The following CNTNAP2 variants were observed in gnomAD, a reference collection of about 807,000 sequenced individuals.
The protein encoded by CNTNAP2 is contactin-associated protein-like 2.
A neutral mutation model predicts 155.2 loss-of-function variants in CNTNAP2; 98 were observed. The ratio of observed to expected loss-of-function variants is 0.63; its 90% CI spans 0.54 to 0.75. The LOEUF is 0.75. CNTNAP2 is among the 30% of genes least tolerant of loss of function. The probability of loss-of-function intolerance (pLI) is 0.00; values close to 1 mark genes in which losing one functional copy is unlikely to be tolerated. For missense variants in CNTNAP2, 1,727 were observed against 1,688.1 expected, an observed-to-expected ratio of 1.02 and a Z score of -0.40; for synonymous variants, 651 against 631.2, an observed-to-expected ratio of 1.03 and a Z score of -0.47.
At chr7:146,910,693 A>G (rs1306246311) in intron 3 of CNTNAP2, among the ~76,000 whole-genome samples, 2 of 150,502 alleles carry the variant, frequency 1.3e-5, no homozygotes, top group African/African-American at 2.5e-5. Context: ...ACCTAAAACC[A>G]TAAAAACCCT....
intron 8 of CNTNAP2, among the ~76,000 whole-genome samples, chr7:147,264,127 G>T (rs1804554082): frequency 6.6e-6 from 1 of 152,084 alleles, no homozygotes; most frequent in South Asian, 2.1e-4. Flanking sequence ...TTTTGAAAAG[G>T]TCAGACAAAG....
At chr7:147,952,534 TTAAG>T (rs1297395863) in intron 14 of CNTNAP2, among the ~76,000 whole-genome samples, 6 of 152,054 alleles carry the variant, frequency 3.9e-5, no homozygotes, top group African/African-American at 1.2e-4. Context: ...ACATATTTCT[TTAAG>T]TAATTAAATG....
chr7:146,925,405 A>T (rs1182238602), intron 3 of CNTNAP2, among the ~76,000 whole-genome samples: 1 of 152,148 alleles, frequency 6.6e-6, no homozygotes, highest in Non-Finnish European at 1.5e-5. Context: ...TGTAGTGGAA[A>T]TCAATGTTGG....
intron 15 of CNTNAP2, among the ~76,000 whole-genome samples, chr7:148,009,769 C>T (rs1802042726): frequency 6.6e-6 from 1 of 152,086 alleles, no homozygotes; most frequent in Non-Finnish European, 1.5e-5. Flanking sequence ...TTAATGTATG[C>T]AGTCACCGTT....
intron 13 of CNTNAP2, among the ~76,000 whole-genome samples, chr7:147,765,570 A>G (rs1489151605): frequency 6.6e-6 from 1 of 152,170 alleles, no homozygotes; most frequent in African/African-American, 2.4e-5. Context: ...AATTAAACAT[A>G]TCAACAGCAG....
chr7:146,577,721 A>G (rs1016795119), intron 1 of CNTNAP2, among the ~76,000 whole-genome samples: 3 of 152,276 alleles, frequency 2.0e-5, no homozygotes, highest in Admixed American at 2.0e-4. Flanking sequence ...CTCATTAAAA[A>G]TGCACAAATT....
chr7:147,896,901 CG>C (rs60352819), intron 13 of CNTNAP2: 35,739 of 152,060 alleles, frequency 0.24, 4,303 homozygotes, highest in Middle Eastern at 0.3. Context: ...AAGTTAGTTC[CG>C]CCTACACCCA....
At chr7:148,409,329 T>C in intron 22 of CNTNAP2, 62 bp from the exon 23 acceptor site, 3 of 1,277,270 alleles carry the variant, frequency 2.3e-6, no homozygotes, top group Admixed American at 1.7e-5. Flanking sequence ...GAAATAGGTA[T>C]CAAATTATTT....
intron 8 of CNTNAP2, among the ~76,000 whole-genome samples, chr7:147,299,847 C>T (rs1001926983): frequency 2.0e-5 from 3 of 152,084 alleles, no homozygotes; most frequent in African/African-American, 7.2e-5. Flanking sequence ...TTTGGGAGGC[C>T]GAGGTCATCT....
At position 148,249,893 on chromosome 7, in the gene CNTNAP2, G is replaced by A. The variant is rs187021072; in HGVS notation, c.3382-17140G>A. 2.0e-4 allele frequency among the ~76,000 whole-genome samples: 31 copies of A among 152,318 alleles called. No individual in the cohort carries two copies. In the East Asian group the frequency reaches 5.8e-3, roughly 28 times the overall value. On this transcript the variant is annotated intron_variant, in intron 20 of 23. Coordinates refer to ENST00000361727, the MANE Select transcript of CNTNAP2 (RefSeq NM_014141.6). ...CCATCCTGTTCTGCAGAGGCCTCCT[G>A]ACGGGTCTCCAAGCTTCCTCCCTTG...
chr7:147,370,184 T>C (rs892403781), intron 9 of CNTNAP2, among the ~76,000 whole-genome samples: 27 of 152,228 alleles, frequency 1.8e-4, no homozygotes, highest in Admixed American at 1.6e-3. Flanking sequence ...AAAAATATTA[T>C]AGTCATATGC....
chr7:147,909,152 G>C (rs974849002), intron 14 of CNTNAP2, among the ~76,000 whole-genome samples: 1 of 152,122 alleles, frequency 6.6e-6, no homozygotes, highest in Non-Finnish European at 1.5e-5. Flanking sequence ...AAAAATTACA[G>C]TAGAAATGAG....
intron 1 of CNTNAP2, among the ~76,000 whole-genome samples, chr7:146,483,757 A>T (rs1457694425): frequency 6.6e-6 from 1 of 152,166 alleles, no homozygotes; most frequent in African/African-American, 2.4e-5. Flanking sequence ...GTACAGCTGT[A>T]CAACGTGTTT....
chr7:146,173,636 T>C (rs1360797909), intron 1 of CNTNAP2, among the ~76,000 whole-genome samples: 1 of 152,216 alleles, frequency 6.6e-6, no homozygotes, highest in Non-Finnish European at 1.5e-5. Context: ...ATGTTATAAC[T>C]TATTTTTTGT....
intron 13 of CNTNAP2, among the ~76,000 whole-genome samples, chr7:147,702,381 G>T (rs1266365689): frequency 6.6e-6 from 1 of 151,982 alleles, no homozygotes; most frequent in Non-Finnish European, 1.5e-5. Flanking sequence ...AAAATAAATG[G>T]GTTAGCTGTT....
At chr7:146,280,890 C>A (rs2129084832) in intron 1 of CNTNAP2, among the ~76,000 whole-genome samples, 1 of 152,274 alleles carries the variant, frequency 6.6e-6, no homozygotes, top group Non-Finnish European at 1.5e-5. Flanking sequence ...GCTCAGGAAC[C>A]TTCTGAGCCA....
chr7:146,946,668 C>T (rs904395180), intron 3 of CNTNAP2, among the ~76,000 whole-genome samples: 3 of 152,102 alleles, frequency 2.0e-5, no homozygotes, highest in Non-Finnish European at 4.4e-5. Context: ...GGCTCAAACA[C>T]ATCTTTATTA....
intron 13 of CNTNAP2, among the ~76,000 whole-genome samples, chr7:147,822,670 A>T (rs963698266): frequency 5.9e-5 from 9 of 152,142 alleles, no homozygotes; most frequent in African/African-American, 2.2e-4. Flanking sequence ...CATCATTAAT[A>T]CTGCCATAGG....
intron 1 of CNTNAP2, among the ~76,000 whole-genome samples, chr7:146,663,318 G>GAA (rs58871748): frequency 5.0e-5 from 7 of 140,830 alleles, no homozygotes; most frequent in African/African-American, 8.2e-5. Context: ...AAAAAGAAAG[G>GAA]AAAAAAAAAG....
Sources: gnomAD v4.1 joint callset for allele counts (sites outside exome capture counted in the v4.1 genomes callset) on GRCh38, gnomAD v4.1.1 for gene constraint, MANE v1.5 for transcripts, NCBI Gene and HGNC (gene_info 2026-07-23, HGNC 2026-07-21) for gene names.